DLG2: variants seen among roughly 807,000 people sequenced by gnomAD.
The protein encoded by DLG2 is discs large MAGUK scaffold protein 2.
Under a neutral mutation model 132.5 loss-of-function variants are expected in DLG2, and 45 were observed. The ratio of observed to expected loss-of-function variants is 0.34; its 90% CI spans 0.27 to 0.44. The LOEUF (loss-of-function observed/expected upper bound fraction) is 0.44, where lower values mean the gene tolerates loss of function less well. Among genes scored for constraint, DLG2 ranks in the 20% least tolerant of loss-of-function variants. DLG2 has a pLI of 1.00. For synonymous variants in DLG2, 424 were observed against 419.6 expected (o/e 1.01, Z -0.13); for missense variants, 1,045 against 1,196.9 (o/e 0.87, Z 1.87).
At chr11:84,248,988 C>T (rs2097338299) in intron 8 of DLG2, among the ~76,000 whole-genome samples, 1 of 152,220 alleles carries the variant, frequency 6.6e-6, no homozygotes, top group South Asian at 2.1e-4. Flanking sequence ...ATTTGCGACT[C>T]ATTTTACTAG....
intron 5 of DLG2, among the ~76,000 whole-genome samples, chr11:85,132,579 T>C (rs573243397): frequency 6.6e-6 from 1 of 151,724 alleles, no homozygotes; most frequent in South Asian, 2.1e-4. Context: ...GCAATATCAC[T>C]TTAAGAAGTT....
chr11:83,696,276 T>C (rs1336508775), intron 18 of DLG2, among the ~76,000 whole-genome samples: 1 of 152,152 alleles, frequency 6.6e-6, no homozygotes, highest in Non-Finnish European at 1.5e-5. Context: ...CTGGAGGTAA[T>C]GAAATCTAGA....
intron 11 of DLG2, among the ~76,000 whole-genome samples, chr11:84,001,467 T>C (rs2094342105): frequency 6.6e-6 from 1 of 152,052 alleles, no homozygotes; most frequent in African/African-American, 2.4e-5. Context: ...ATATTACTAG[T>C]TCTGAAGAGA....
chr11:84,869,959 A>C (rs768967119), intron 6 of DLG2, among the ~76,000 whole-genome samples: 1 of 152,190 alleles, frequency 6.6e-6, no homozygotes, highest in Non-Finnish European at 1.5e-5. Context: ...ATGCCAGTGG[A>C]GATGTACATG....
intron 7 of DLG2, among the ~76,000 whole-genome samples, chr11:84,368,727 T>A (rs979178394): frequency 6.6e-6 from 1 of 152,142 alleles, no homozygotes; most frequent in South Asian, 2.1e-4. Flanking sequence ...TTAAAGATGA[T>A]GTGAGATCAA....
intron 6 of DLG2, among the ~76,000 whole-genome samples, chr11:84,961,660 T>C (rs1370624192): frequency 6.6e-6 from 1 of 152,018 alleles, no homozygotes; most frequent in Non-Finnish European, 1.5e-5. Flanking sequence ...TCCTGTCATG[T>C]GCCAAAAATA....
intron 17 of DLG2, among the ~76,000 whole-genome samples, chr11:83,821,359 T>C (rs528213804): frequency 9.9e-5 from 15 of 152,250 alleles, no homozygotes; most frequent in African/African-American, 3.4e-4. Flanking sequence ...GTGTCAGAAG[T>C]GGTGATGGTG....
chr11:85,623,940 T>C (rs768636357), intron 2 of DLG2, among the ~76,000 whole-genome samples: 3 of 152,160 alleles, frequency 2.0e-5, no homozygotes, highest in African/African-American at 7.2e-5. Context: ...ATACAACTTA[T>C]CCTGAATTGG....
At chr11:83,784,892 G>C (rs1204221240) in intron 18 of DLG2, among the ~76,000 whole-genome samples, 1 of 152,150 alleles carries the variant, frequency 6.6e-6, no homozygotes, top group Non-Finnish European at 1.5e-5. Flanking sequence ...GGACATTTAT[G>C]TTGCAATGTC....
intron 16 of DLG2, among the ~76,000 whole-genome samples, chr11:83,841,728 T>C (rs563816901): frequency 6.6e-6 from 1 of 152,368 alleles, no homozygotes; most frequent in East Asian, 1.9e-4. Flanking sequence ...ATTTGGTCAC[T>C]CACAATATCA....
chr11:84,907,611 G>T lies in DLG2; in HGVS notation c.357+204050C>A, dbSNP rs12575960. Among the ~76,000 whole-genome samples the T allele has an allele frequency of 2.0e-3, 300 of 152,232 alleles. 3 individuals are homozygous for T. In the East Asian group the frequency reaches 0.032, roughly 16 times the overall value. ...GGAAGAATAGAAATTAACTAATTTTGCCTGGGATAGGAGGGATCCACCGAG... is the reference window on the plus strand; with the variant it reads ...GGAAGAATAGAAATTAACTAATTTTTCCTGGGATAGGAGGGATCCACCGAG... On this transcript the variant is annotated intron_variant, in intron 6 of 27. Coordinates refer to ENST00000376104, the MANE Select transcript of DLG2 (RefSeq NM_001142699.3).
At chr11:84,271,022 A>G (rs914003972) in intron 7 of DLG2, among the ~76,000 whole-genome samples, 2 of 152,218 alleles carry the variant, frequency 1.3e-5, no homozygotes, top group Non-Finnish European at 2.9e-5. Context: ...CATGAAATAC[A>G]TATCATTGGG....
chr11:83,853,080 A>T (rs2060024876), intron 16 of DLG2, among the ~76,000 whole-genome samples: 1 of 152,184 alleles, frequency 6.6e-6, no homozygotes, highest in Non-Finnish European at 1.5e-5. Context: ...CCTCTAAACA[A>T]ATATGTGTAG....
At chr11:84,408,862 C>T (rs1601611852) in intron 7 of DLG2, among the ~76,000 whole-genome samples, 1 of 152,124 alleles carries the variant, frequency 6.6e-6, no homozygotes, top group East Asian at 1.9e-4. Context: ...TTCAGGGCCG[C>T]CTCTTTCTCT....
At chr11:84,040,487 C>G (rs966673785) in intron 11 of DLG2, among the ~76,000 whole-genome samples, 1 of 151,448 alleles carries the variant, frequency 6.6e-6, no homozygotes, top group African/African-American at 2.4e-5. Context: ...AATCCTTTCC[C>G]CATTGCCTGT....
intron 7 of DLG2, among the ~76,000 whole-genome samples, chr11:84,300,755 T>C (rs1247621274): frequency 6.6e-6 from 1 of 152,220 alleles, no homozygotes; most frequent in African/African-American, 2.4e-5. Context: ...ACTATAGCAA[T>C]GTTCTTCAAT....
In DLG2 at chr11:83,922,547, T is replaced by A. The variant is rs1209033923; in HGVS notation, c.1496+7781A>T. 3.3e-5 allele frequency among the ~76,000 whole-genome samples: 5 copies of A among 152,316 alleles called. No homozygotes were observed. The East Asian group carries it at 7.7e-4, about 23-fold the overall frequency. On this transcript the variant is annotated intron_variant, in intron 15 of 27. Coordinates refer to ENST00000376104, the MANE Select transcript of DLG2 (RefSeq NM_001142699.3). Reference sequence around the variant, plus strand: ...AGATTATATCAGCCTTTTAAGGGCATAAGAAGGTCACTGATTTGTAAGCAT... The same window carrying A: ...AGATTATATCAGCCTTTTAAGGGCAAAAGAAGGTCACTGATTTGTAAGCAT...
At chr11:83,503,076 G>A (rs1445214396) in intron 21 of DLG2, among the ~76,000 whole-genome samples, 1 of 151,876 alleles carries the variant, frequency 6.6e-6, no homozygotes, top group Non-Finnish European at 1.5e-5. Flanking sequence ...TAATGACAGA[G>A]ATTTCTAAGT....
chr11:84,464,298 A>C (rs561563302), intron 7 of DLG2, among the ~76,000 whole-genome samples: 26 of 151,316 alleles, frequency 1.7e-4, no homozygotes, highest in African/African-American at 6.3e-4. Flanking sequence ...ATGAACAAAC[A>C]ACTACAGGGA....
Sources: gnomAD v4.1 joint callset for allele counts (sites outside exome capture counted in the v4.1 genomes callset) on GRCh38, gnomAD v4.1.1 for gene constraint, MANE v1.5 for transcripts, NCBI Gene and HGNC (gene_info 2026-07-23, HGNC 2026-07-21) for gene names.